CORO6: variants seen among roughly 807,000 people sequenced by gnomAD.
The protein encoded by CORO6 is coronin 6.
In CORO6, 43 loss-of-function variants were observed where a neutral mutation model predicts 49.0. The ratio of observed to expected loss-of-function variants is 0.88; its 90% CI spans 0.69 to 1.13. The LOEUF is 1.13. Among genes scored for constraint, CORO6 ranks in the 50% most tolerant of loss-of-function variants. The pLI is 0.00. For synonymous variants in CORO6, 233 were observed against 256.5 expected, an observed-to-expected ratio of 0.91 and a Z score of 0.88; for missense variants, 650 against 647.0, an observed-to-expected ratio of 1.00 and a Z score of -0.05.
chr17:29,622,796 G>T lies in CORO6; in HGVS notation c.-172C>A, dbSNP rs765750279. On this transcript the variant is annotated 5_prime_UTR_variant, in exon 1 of 11. Coordinates refer to ENST00000388767, the MANE Select transcript of CORO6 (RefSeq NM_032854.4). The stretch of plus-strand genomic sequence containing the variant: ...TCAGGGCGAAGGAGCCACCTCTCCG[G>T]GTGTCTGTAGTATCTGGGACCCGGG... 2 of 1,315,410 alleles carry T rather than the reference G, an allele frequency of 1.5e-6. No individual in the cohort carries two copies. The highest frequency in any genetic ancestry group is 1.5e-5 in the African/African-American group (1 of 66,454). 81.5% of individuals were successfully genotyped at this position (1,315,410 alleles called of 1,614,324 possible).
At chr17:29,617,211 G>A in intron 6 of CORO6, 169 bp from the exon 7 acceptor site, 2 of 1,537,420 alleles carry the variant, frequency 1.3e-6, no homozygotes, top group South Asian at 1.2e-5. Flanking sequence ...CCTCCCCTGC[G>A]CACATAGCTC....
Position 29,621,073 on chromosome 17 carries a change from G to A in CORO6, c.198+151C>T. The A allele has an allele frequency of 4.7e-6, 5 of 1,059,702 alleles. No homozygotes were observed. The highest frequency in any genetic ancestry group is 6.2e-4 in the Middle Eastern group (2 of 3,244). The allele number at this position is 1,059,702 out of a possible 1,614,324, so 65.6% of individuals were successfully genotyped here. On this transcript the variant is annotated intron_variant, in intron 2 of 10. Coordinates refer to ENST00000388767, the MANE Select transcript of CORO6 (RefSeq NM_032854.4). The surrounding 1 kb of genome is among the most constrained non-coding windows in gnomAD (Gnocchi z 4.2). ...GGTGGGGTGGGGTGGCCTCCCCTCT[G>A]GTCCTTGAGGGCTTGGGGAATAGGG...
chr17:29,617,809 G>A lies in CORO6; in HGVS notation c.634-190C>T, dbSNP rs151229946. 7.9e-3 allele frequency: 5,724 copies of A among 726,294 alleles called. 37 individuals are homozygous for A. Among genetic ancestry groups the A allele is most frequent in the Non-Finnish European group, 9.5e-3 (4,352 of 459,326 alleles). The allele number at this position is 726,294 out of a possible 1,614,324, so 45.0% of individuals were successfully genotyped here. A position where few individuals can be genotyped will look rare whatever the true frequency, so the allele number is the denominator to read the frequency against. On this transcript the variant is annotated intron_variant, in intron 5 of 10. Coordinates refer to ENST00000388767, the MANE Select transcript of CORO6 (RefSeq NM_032854.4). ...TGGCCCCTGACCTGGAGAGCATCCG[G>A]GCCTGGAGAGAGCAGGAGGCACGCG...
chr17:29,622,664 G>T, intron 1 of CORO6, 24 bp downstream of exon 1: 1 of 1,159,290 alleles, frequency 8.6e-7, no homozygotes, highest in Middle Eastern at 4.0e-4. Context: ...CTGCGGTGAC[G>T]GCCGGGTGTG....
At position 29,616,845 on chromosome 17, in the gene CORO6, G is replaced by C. The variant is rs2034969703; in HGVS notation, c.861C>G (p.Gly287=). 6.2e-7 allele frequency: 1 copy of C among 1,612,930 alleles called. No homozygotes were observed. The highest frequency in any genetic ancestry group is 8.5e-7 in the Non-Finnish European group (1 of 1,179,390). ...TCTCAAAGTACCGAATGCTGCTGTC[G>C]CCCTGCAAAATCAGTCGGTTCAGGG... ...DSSIVYLCGK[G]DSSIRYFEIT... The change falls in exon 8 of 11, where the codon GGC becomes GGG. Residue 287 remains glycine (G), a splice_region_variant and synonymous_variant. Coordinates refer to ENST00000388767, the MANE Select transcript of CORO6 (RefSeq NM_032854.4). The surrounding 1 kb of genome is among the most constrained non-coding windows in gnomAD (Gnocchi z 5.6).
rs1020459760 is a variant in CORO6 at position 29,618,970 on chromosome 17, A to G, written c.453T>C (p.Gly151=). 6.2e-7 allele frequency: 1 copy of G among 1,613,474 alleles called. No individual in the cohort carries two copies. Among genetic ancestry groups the G allele is most frequent in the African/African-American group, 1.3e-5 (1 of 74,956 alleles). ...TCCAGATGATGATCACATTGTCACC[A>G]CCTGCCCAGAGTGGCCAGGCATGGT... is the stretch of plus-strand genomic sequence containing the variant. ...PTARNVLLSA[G]GDNVIIIWNV... The change falls in exon 5 of 11, where the codon GGT becomes GGC. Residue 151 remains glycine, a splice_region_variant and synonymous_variant. Coordinates refer to ENST00000388767, the MANE Select transcript of CORO6 (RefSeq NM_032854.4).
In CORO6 at chr17:29,616,820, TC is replaced by T; in HGVS notation, c.885del (p.Ile296LeufsTer11). On this transcript the variant is annotated frameshift_variant, in exon 8 of 11. Coordinates refer to ENST00000388767, the MANE Select transcript of CORO6 (RefSeq NM_032854.4). LOFTEE classifies it high-confidence loss of function. The surrounding 1 kb of genome is among the most constrained non-coding windows in gnomAD (Gnocchi z 5.6). ...GKGDSSIRYF[E>X]ITDEPPFVHY... ...TGCACGAAAGGCGGCTCGTCGGTAA[TC>T]TCAAAGTACCGAATGCTGCTGTCGC... 6.2e-7 allele frequency: 1 copy of T among 1,613,594 alleles called. No individual in the cohort carries two copies. Among genetic ancestry groups the T allele is most frequent in the Middle Eastern group, 1.6e-4 (1 of 6,062 alleles).
Position 29,616,557 on chromosome 17 carries a change from G to T in CORO6, c.1004+145C>A. ...TGAGAATGTAAGGCTAGTGAGCGGTGGGTCTGGCACTGAAACAGAGCTGTC... is the reference window on the plus strand; with the variant it reads ...TGAGAATGTAAGGCTAGTGAGCGGTTGGTCTGGCACTGAAACAGAGCTGTC... On this transcript the variant is annotated intron_variant, in intron 8 of 10. Coordinates refer to ENST00000388767, the MANE Select transcript of CORO6 (RefSeq NM_032854.4). The surrounding 1 kb of genome is among the most constrained non-coding windows in gnomAD (Gnocchi z 5.6). 9.2e-7 allele frequency: 1 copy of T among 1,085,990 alleles called. No homozygotes were observed. Among genetic ancestry groups the T allele is most frequent in the East Asian group, 2.4e-5 (1 of 41,736 alleles). 67.3% of individuals were successfully genotyped at this position (1,085,990 alleles called of 1,614,324 possible).
At chr17:29,617,419 C>A (rs2035028960) in intron 6 of CORO6, 81 bp downstream of exon 6, 1 of 1,551,304 alleles carries the variant, frequency 6.4e-7, no homozygotes, top group South Asian at 1.2e-5. Flanking sequence ...GGTGGGCATG[C>A]CCTGCGGGTG....
intron 3 of CORO6, 47 bp from the exon 4 acceptor site, chr17:29,619,236 C>G: frequency 6.2e-7 from 1 of 1,604,342 alleles, no homozygotes; most frequent in Non-Finnish European, 8.5e-7. Context: ...AGGAGCCACC[C>G]TGTCCCTCCA....
At chr17:29,618,432 C>A (rs2035121698) in intron 5 of CORO6, 73 of 1,275,990 alleles carry the variant, frequency 5.7e-5, no homozygotes, top group Non-Finnish European at 7.1e-5. Context: ...CTGGAAGATG[C>A]GTCTGGGTGC....
intron 5 of CORO6, chr17:29,618,415 C>A: frequency 7.7e-7 from 1 of 1,291,672 alleles, no homozygotes; most frequent in Non-Finnish European, 9.8e-7. Flanking sequence ...GTGTCAGGCC[C>A]CAGACCCTGG....
At chr17:29,618,083 T>A in intron 5 of CORO6, 1 of 1,497,392 alleles carries the variant, frequency 6.7e-7, no homozygotes, top group Non-Finnish European at 8.8e-7. Flanking sequence ...TCACTCATCC[T>A]GCTGAAGCCG....
In CORO6 at chr17:29,616,138, G is replaced by C. The variant is rs199548298; in HGVS notation, c.1100C>G (p.Pro367Arg). Residue 367 changes from proline (P) to arginine (R), a missense_variant, in exon 10 of 11, where the codon CCA (proline) becomes CGA (arginine). Pro to Arg is a moderately radical substitution (Grantham distance 103). Transcript: ENST00000388767. The surrounding 1 kb of genome is among the most constrained non-coding windows in gnomAD (Gnocchi z 5.6). ...CGCTTCTAGGGCCGGCTCCGGGCCTGGCGTATCCGGGTACAGATCGTCCTG... is the reference window on the plus strand; with the variant it reads ...CGCTTCTAGGGCCGGCTCCGGGCCTCGCGTATCCGGGTACAGATCGTCCTG... ...LFQDDLYPDT[P>R]GPEPALEADE... The C allele has an allele frequency of 3.2e-5, 51 of 1,613,528 alleles. No homozygotes were observed. The highest frequency in any genetic ancestry group is 4.1e-5 in the Non-Finnish European group (48 of 1,179,996).
intron 5 of CORO6, 126 bp downstream of exon 5, chr17:29,618,663 AG>A (rs1013367811): frequency 1.6e-4 from 226 of 1,433,776 alleles, no homozygotes; most frequent in Non-Finnish European, 1.1e-4. Context: ...GAAGGGGGCT[AG>A]TCTCTGGAGC....
chr17:29,619,722 C>T lies in CORO6; in HGVS notation c.250G>A (p.Val84Met). ...TGTGGACACCAGTCAATATCCAGCA[C>T]AGGGGCAGTGTGCCCAGTGACCAGT... ...YPLVTGHTAPVLDIDWCPHND... is the reference protein window; with the variant it reads ...YPLVTGHTAPMLDIDWCPHND... The change falls in exon 3 of 11, where the codon GTG becomes ATG. Residue 84 changes from valine (V) to methionine (M), a missense_variant. Physicochemically the swap from Val to Met is conservative, Grantham distance 21. Transcript: ENST00000388767. The T allele has an allele frequency of 1.2e-6, 2 of 1,613,326 alleles. No individual in the cohort carries two copies. Among genetic ancestry groups the T allele is most frequent in the Non-Finnish European group, 1.7e-6 (2 of 1,179,274 alleles).
rs1276660423 is a variant in CORO6 at position 29,620,724 on chromosome 17, G to A, written c.198+500C>T. Among the ~76,000 whole-genome samples the A allele has an allele frequency of 2.0e-5, 3 of 152,080 alleles. No homozygotes were observed. In the South Asian group the frequency reaches 6.2e-4, roughly 32 times the overall value. ...ATGTGTCATGTCCCCCTTCCTTTCC[G>A]TTCCCTTTCTTTCTACTTCACTGCA... On this transcript the variant is annotated intron_variant, in intron 2 of 10. Coordinates refer to ENST00000388767, the MANE Select transcript of CORO6 (RefSeq NM_032854.4).
chr17:29,621,342 T>C lies in CORO6; in HGVS notation c.80A>G (p.Asp27Gly). 3 of 1,614,210 alleles carry C rather than the reference T, an allele frequency of 1.9e-6. No individual in the cohort carries two copies. Among genetic ancestry groups the C allele is most frequent in the Non-Finnish European group, 2.5e-6 (3 of 1,180,032 alleles). ...QAAKADQAYE[D>G]IRVSKVTWDS... is the part of the protein sequence containing the mutation. ...CCATGTGACCTTGGACACACGGATG[T>C]CCTCGTAGGCCTGGTCGGCCTTTGC... The change falls in exon 2 of 11, where the codon GAC becomes GGC. Residue 27 changes from aspartate to glycine, a missense_variant. Physicochemically the swap from Asp to Gly is moderately conservative, Grantham distance 94. Coordinates refer to ENST00000388767, the MANE Select transcript of CORO6 (RefSeq NM_032854.4). The surrounding 1 kb of genome is among the most constrained non-coding windows in gnomAD (Gnocchi z 4.2).
intron 6 of CORO6, 137 bp from the exon 7 acceptor site, chr17:29,617,179 C>A: frequency 6.5e-7 from 1 of 1,542,656 alleles, no homozygotes; most frequent in Non-Finnish European, 8.7e-7. Context: ...TTGCAGGCCC[C>A]TCCCCTGGGC....
Sources: gnomAD v4.1 joint callset for allele counts (sites outside exome capture counted in the v4.1 genomes callset) on GRCh38, gnomAD v4.1.1 for gene constraint, Gnocchi (gnomAD v3.1) non-coding constraint, MANE v1.5 for transcripts, NCBI Gene and HGNC (gene_info 2026-07-23, HGNC 2026-07-21) for gene names.